Variants in OR2M3 observed in about 807,000 individuals in gnomAD.
OR2M3 encodes olfactory receptor 2M3.
A neutral mutation model predicts 4.3 loss-of-function variants in OR2M3; 1 was observed. The observed-to-expected ratio is 0.23, with a 90% CI of 0.08 to 1.11. The LOEUF (loss-of-function observed/expected upper bound fraction) is 1.11. Among genes scored for constraint, OR2M3 ranks in the 50% most tolerant of loss-of-function variants. The pLI is 0.54. For missense variants in OR2M3, 410 were observed against 390.4 expected (o/e 1.05, Z -0.42); for synonymous variants, 151 against 139.4 (o/e 1.08, Z -0.59).
chr1:248,212,439 C>G lies in OR2M3; in HGVS notation c.*8433C>G, dbSNP rs1553297344. 6.6e-6 allele frequency: 1 copy of G among 151,898 alleles called. No individual in the cohort carries two copies. The highest frequency in any genetic ancestry group is 1.5e-5 in the Non-Finnish European group (1 of 67,918). The allele number at this position is 151,898 out of a possible 1,614,324, so 9.4% of individuals were successfully genotyped here. ...AAAACCTGCTTCTAAATATAATGTA[C>G]TTTTTATTAAGATAGATTCATTTAT... is the stretch of plus-strand genomic sequence containing the variant. On this transcript the variant is annotated 3_prime_UTR_variant, in exon 2 of 2. Coordinates refer to ENST00000641626, the MANE Select transcript of OR2M3 (RefSeq NM_001004689.2).
In OR2M3 at chr1:248,206,228, C is replaced by A. The variant is rs1174380500; in HGVS notation, c.*2222C>A. 6.6e-6 allele frequency: 1 copy of A among 151,874 alleles called. No homozygotes were observed. The highest frequency in any genetic ancestry group is 1.9e-4 in the East Asian group (1 of 5,184). The allele number at this position is 151,874 out of a possible 1,614,324, so 9.4% of individuals were successfully genotyped here. ...AGCCGTTAGGGTTTTCTATGTATTC[C>A]ATCGTATCATCAGCAAACAGCGACA... On this transcript the variant is annotated 3_prime_UTR_variant, in exon 2 of 2. Transcript: ENST00000641626.
intron 1 of OR2M3, among the ~76,000 whole-genome samples, chr1:248,198,901 G>T (rs1377936844): frequency 6.6e-6 from 1 of 151,728 alleles, no homozygotes; most frequent in Non-Finnish European, 1.5e-5. Flanking sequence ...GATTTTCATG[G>T]TTTCTATGTT....
chr1:248,212,480 G>A lies in OR2M3; in HGVS notation c.*8474G>A. Reference sequence around the variant, plus strand: ...ATTCATTTATATCCACAGATCTATGGTTATACTGAAGTATAGATAATTTAA... The same window carrying A: ...ATTCATTTATATCCACAGATCTATGATTATACTGAAGTATAGATAATTTAA... On this transcript the variant is annotated 3_prime_UTR_variant, in exon 2 of 2. Transcript: ENST00000641626. The A allele has an allele frequency of 6.6e-6, 1 of 151,792 alleles. No homozygotes were observed. The highest frequency in any genetic ancestry group is 6.6e-5 in the Admixed American group (1 of 15,242). The allele number at this position is 151,792 out of a possible 1,614,324, so 9.4% of individuals were successfully genotyped here. A position where few individuals can be genotyped will look rare whatever the true frequency, so the allele number is the denominator to read the frequency against.
rs1572795930 is a variant in OR2M3 at position 248,211,458 on chromosome 1, T to C, written c.*7452T>C. The C allele has an allele frequency of 1.3e-5, 2 of 152,106 alleles. No individual in the cohort carries two copies. Among genetic ancestry groups the C allele is most frequent in the Non-Finnish European group, 2.9e-5 (2 of 68,016 alleles). The allele number at this position is 152,106 out of a possible 1,614,324, so 9.4% of individuals were successfully genotyped here. ...TTTATTAATAATTACAGGACTTATATTGAAATTTAGAATATAAGTAAATGT... is the reference window on the plus strand; with the variant it reads ...TTTATTAATAATTACAGGACTTATACTGAAATTTAGAATATAAGTAAATGT... On this transcript the variant is annotated 3_prime_UTR_variant, in exon 2 of 2. Transcript: ENST00000641626.
intron 1 of OR2M3, among the ~76,000 whole-genome samples, chr1:248,198,313 G>T (rs1283552969): frequency 6.6e-6 from 1 of 152,078 alleles, no homozygotes; most frequent in Admixed American, 6.6e-5. Context: ...TAGGATTCAT[G>T]AGGGCATTCC....
In OR2M3 at chr1:248,203,542, G is replaced by T; in HGVS notation, c.475G>T (p.Asp159Tyr). ...CCTGGGCTCTACGGATGGAATTATT[G>T]ATGTTGTAGCAACATTTTCCTTCTC... ...WILGSTDGII[D>Y]VVATFSFSYC... Residue 159 changes from aspartate to tyrosine, a missense_variant, in exon 2 of 2, where the codon GAT becomes TAT. Physicochemically the swap from Asp to Tyr is radical, Grantham distance 160. Coordinates refer to ENST00000641626, the MANE Select transcript of OR2M3 (RefSeq NM_001004689.2). The T allele has an allele frequency of 1.2e-6, 2 of 1,613,712 alleles. No homozygotes were observed. Among genetic ancestry groups the T allele is most frequent in the Non-Finnish European group, 1.7e-6 (2 of 1,179,810 alleles).
At position 248,204,618 on chromosome 1, in the gene OR2M3, T is replaced by G. The variant is rs1666204792; in HGVS notation, c.*612T>G. On this transcript the variant is annotated 3_prime_UTR_variant, in exon 2 of 2. Transcript: ENST00000641626. ...ATTCCATGGTATGTGTGTATATAGA[T>G]ATATATATATATACGTATATATATA... 6.6e-6 allele frequency: 1 copy of G among 150,674 alleles called. No individual in the cohort carries two copies. The highest frequency in any genetic ancestry group is 2.4e-5 in the African/African-American group (1 of 40,956). 9.3% of individuals were successfully genotyped at this position (150,674 alleles called of 1,614,324 possible). A position where few individuals can be genotyped will look rare whatever the true frequency, so the allele number is the denominator to read the frequency against.
At chr1:248,202,138 AG>A (rs1338848630) in intron 1 of OR2M3, among the ~76,000 whole-genome samples, 2 of 152,172 alleles carry the variant, frequency 1.3e-5, no homozygotes, top group African/African-American at 4.8e-5. Flanking sequence ...AGATGTCACC[AG>A]GGTTGGTTAC....
chr1:248,197,316 G>T lies in OR2M3; in HGVS notation c.-19+15G>T, dbSNP rs1020083000. On this transcript the variant is annotated intron_variant, in intron 1 of 1. Coordinates refer to ENST00000641626, the MANE Select transcript of OR2M3 (RefSeq NM_001004689.2). ...ACACTATTCAGGTAAGTACTAAGAG[G>T]TAAGTTAACCAAGCGCAAGCATGAC... is the stretch of plus-strand genomic sequence containing the variant. 8 of 152,024 alleles carry T rather than the reference G, an allele frequency of 5.3e-5. No individual in the cohort carries two copies. The highest frequency in any genetic ancestry group is 1.4e-4 in the African/African-American group (6 of 41,396). The allele number at this position is 152,024 out of a possible 1,614,324, so 9.4% of individuals were successfully genotyped here.
rs1336291710 is a variant in OR2M3, at chr1:248,208,085, G to C, written c.*4079G>C. ...TGTCCCTCTTTGTCTTTTTTTAACT[G>C]CTCTTGCTTTAAAGTTTGTTTTTTT... On this transcript the variant is annotated 3_prime_UTR_variant, in exon 2 of 2. Coordinates refer to ENST00000641626, the MANE Select transcript of OR2M3 (RefSeq NM_001004689.2). 1.3e-5 allele frequency: 2 copies of C among 151,724 alleles called. 1 individual carries two copies. Among genetic ancestry groups the C allele is most frequent in the East Asian group, 3.9e-4 (2 of 5,190 alleles). The allele number at this position is 151,724 out of a possible 1,614,324, so 9.4% of individuals were successfully genotyped here. A position where few individuals can be genotyped will look rare whatever the true frequency, so the allele number is the denominator to read the frequency against.
Position 248,212,041 on chromosome 1 carries a change from T to G in OR2M3, c.*8035T>G, listed in dbSNP as rs1666287854. The G allele has an allele frequency of 6.6e-6, 1 of 152,170 alleles. No homozygotes were observed. Among genetic ancestry groups the G allele is most frequent in the African/African-American group, 2.4e-5 (1 of 41,432 alleles). The allele number at this position is 152,170 out of a possible 1,614,324, so 9.4% of individuals were successfully genotyped here. A position where few individuals can be genotyped will look rare whatever the true frequency, so the allele number is the denominator to read the frequency against. ...TATATTTCCAGTCTTTGAAGTCCTT[T>G]TAAAGAAAATCATGTCCAGCATATA... On this transcript the variant is annotated 3_prime_UTR_variant, in exon 2 of 2. Coordinates refer to ENST00000641626, the MANE Select transcript of OR2M3 (RefSeq NM_001004689.2).
chr1:248,203,854 A>G lies in OR2M3; in HGVS notation c.787A>G (p.Thr263Ala), dbSNP rs569416794. Residue 263 changes from threonine (T) to alanine (A), a missense_variant, in exon 2 of 2, where the codon ACA becomes GCA. Physicochemically the swap from Thr to Ala is moderately conservative, Grantham distance 58 (BLOSUM62 0). Transcript: ENST00000641626. Reference protein sequence around the residue: ...GAALFMYIRPTSDRSPTQDKM... With the variant: ...GAALFMYIRPASDRSPTQDKM... ...AGCTTTGTTCATGTACATACGGCCC[A>G]CATCTGATCGCTCCCCAACACAGGA... The G allele has an allele frequency of 6.2e-7, 1 of 1,613,724 alleles. No individual in the cohort carries two copies. The highest frequency in any genetic ancestry group is 1.1e-5 in the South Asian group (1 of 91,058).
intron 1 of OR2M3, among the ~76,000 whole-genome samples, chr1:248,199,349 C>T (rs946603819): frequency 6.6e-6 from 1 of 152,074 alleles, no homozygotes; most frequent in African/African-American, 2.4e-5. Context: ...TTTTATTCCT[C>T]TTAATACAGT....
rs1320258243 is a variant in OR2M3, at chr1:248,197,301, G to C, written c.-19G>C. On this transcript the variant is annotated splice_region_variant and 5_prime_UTR_variant, in exon 1 of 2. Coordinates refer to ENST00000641626, the MANE Select transcript of OR2M3 (RefSeq NM_001004689.2). ...TCTCACTGAAAATATACACTATTCA[G>C]GTAAGTACTAAGAGGTAAGTTAACC... 1 of 151,994 alleles carries C rather than the reference G, an allele frequency of 6.6e-6. No homozygotes were observed. The highest frequency in any genetic ancestry group is 1.5e-5 in the Non-Finnish European group (1 of 67,986). The allele number at this position is 151,994 out of a possible 1,614,324, so 9.4% of individuals were successfully genotyped here. A position where few individuals can be genotyped will look rare whatever the true frequency, so the allele number is the denominator to read the frequency against.
At position 248,206,483 on chromosome 1, in the gene OR2M3, C is replaced by T. The variant is rs1020625237; in HGVS notation, c.*2477C>T. On this transcript the variant is annotated 3_prime_UTR_variant, in exon 2 of 2. Coordinates refer to ENST00000641626, the MANE Select transcript of OR2M3 (RefSeq NM_001004689.2). ...CCTTAACGTCACCTCTATGTCCCTT[C>T]GTGTTGATTTTGCTTAGAATTTTAA... 4 of 151,614 alleles carry T rather than the reference C, an allele frequency of 2.6e-5. No homozygotes were observed. Among genetic ancestry groups the T allele is most frequent in the East Asian group, 3.9e-4 (2 of 5,182 alleles). 9.4% of individuals were successfully genotyped at this position (151,614 alleles called of 1,614,324 possible). A position where few individuals can be genotyped will look rare whatever the true frequency, so the allele number is the denominator to read the frequency against.
Position 248,198,186 on chromosome 1 carries a change from AAC to A in OR2M3, c.-19+887_-19+888del, listed in dbSNP as rs891392498. On this transcript the variant is annotated intron_variant, in intron 1 of 1. Coordinates refer to ENST00000641626, the MANE Select transcript of OR2M3 (RefSeq NM_001004689.2). ...TAAAATATTACCAGTGCCTTTGAAAAACAGTTTAACTCTCTCTGATTATATAA... is the reference window on the plus strand; with the variant it reads ...TAAAATATTACCAGTGCCTTTGAAAAAGTTTAACTCTCTCTGATTATATAA... 2.8e-4 allele frequency among the ~76,000 whole-genome samples: 42 copies of A among 152,298 alleles called. 1 individual carries two copies. The highest frequency in any genetic ancestry group is 9.9e-4 in the African/African-American group (41 of 41,558).
intron 1 of OR2M3, among the ~76,000 whole-genome samples, chr1:248,202,204 T>C (rs1214172707): frequency 6.6e-6 from 1 of 152,166 alleles, no homozygotes; most frequent in African/African-American, 2.4e-5. Flanking sequence ...CAGGTTCTTG[T>C]CATAACTAAC....
chr1:248,203,033 T>C lies in OR2M3; in HGVS notation c.-18-17T>C. ...GTAAAGTTTTACCAAATTAATACGC[T>C]GGTTTTGTGGTACTAGGTAAAAAGC... is the stretch of plus-strand genomic sequence containing the variant. On this transcript the variant is annotated splice_polypyrimidine_tract_variant and intron_variant, in intron 1 of 1. Transcript: ENST00000641626. The C allele has an allele frequency of 6.4e-7, 1 of 1,572,790 alleles. No individual in the cohort carries two copies. The highest frequency in any genetic ancestry group is 8.6e-7 in the Non-Finnish European group (1 of 1,158,594).
At chr1:248,201,106 C>T (rs754548048) in intron 1 of OR2M3, among the ~76,000 whole-genome samples, 29 of 152,242 alleles carry the variant, frequency 1.9e-4, no homozygotes, top group East Asian at 9.6e-4. Context: ...TGGCTTTGCT[C>T]ATACATTTAT....
Sources: allele counts gnomAD v4.1 joint callset (sites outside exome capture counted in the v4.1 genomes callset), GRCh38; gene constraint gnomAD v4.1.1; transcripts MANE v1.5; gene names NCBI Gene and HGNC (gene_info 2026-07-23, HGNC 2026-07-21).